The following INSYN2A variants were observed in gnomAD, a reference collection of about 807,000 sequenced individuals.
INSYN2A encodes the protein inhibitory synaptic factor 2A.
In INSYN2A, 17 loss-of-function variants were observed where a neutral mutation model predicts 39.4. The observed-to-expected ratio is 0.43, with a 90% confidence interval of 0.30 to 0.65. INSYN2A has a LOEUF of 0.65. Among genes scored for constraint, INSYN2A ranks in the 30% least tolerant of loss-of-function variants. The probability of loss-of-function intolerance (pLI) is 0.14; values close to 1 mark genes in which losing one functional copy is unlikely to be tolerated. For missense variants in INSYN2A, 595 were observed against 631.2 expected, an observed-to-expected ratio of 0.94 and a Z score of 0.61; for synonymous variants, 255 against 265.7, an observed-to-expected ratio of 0.96 and a Z score of 0.39.
chr10:127,147,057 G>T (rs2051938136), intron 5 of INSYN2A, among the ~76,000 whole-genome samples: 1 of 152,206 alleles, frequency 6.6e-6, no homozygotes, highest in Admixed American at 6.5e-5. Context: ...TACCAAGAAT[G>T]ATGTGAGAAA....
rs1004448407 is a variant in INSYN2A at position 127,186,621 on chromosome 10, G to T, written c.-269+5984C>A. Among the ~76,000 whole-genome samples, 8 of 150,298 alleles carry T rather than the reference G, an allele frequency of 5.3e-5. No homozygotes were observed. The East Asian group carries it at 7.9e-4, about 15-fold the overall frequency. ...TTGGGTGGGGACAGAGAGCCAAACC[G>T]TATCAGAGGGGCATAAACATATGAA... is the stretch of plus-strand genomic sequence containing the variant. On this transcript the variant is annotated intron_variant, in intron 2 of 5. Transcript: ENST00000522781.
chr10:127,186,475 C>A (rs2056240379), intron 2 of INSYN2A, among the ~76,000 whole-genome samples: 1 of 140,000 alleles, frequency 7.1e-6, no homozygotes, highest in African/African-American at 2.6e-5. Context: ...TGCGATTTCA[C>A]TCACAATCAT....
intron 4 of INSYN2A, among the ~76,000 whole-genome samples, chr10:127,170,469 C>G (rs541533200): frequency 6.6e-6 from 1 of 152,218 alleles, no homozygotes; most frequent in Non-Finnish European, 1.5e-5. Flanking sequence ...AAGCTTCTCA[C>G]GATCATTTCT....
chr10:127,148,129 C>A (rs1402528589), intron 5 of INSYN2A, among the ~76,000 whole-genome samples: 4 of 151,066 alleles, frequency 2.6e-5, no homozygotes. Context: ...CAATGCGTTT[C>A]ACAAGCTCCC....
Position 127,175,213 on chromosome 10 carries a change from C to T in INSYN2A, c.1183G>A (p.Gly395Arg), listed in dbSNP as rs2054972772. The T allele has an allele frequency of 4.3e-6, 7 of 1,610,092 alleles. No homozygotes were observed. The South Asian group carries it at 7.8e-5, about 18-fold the overall frequency. ...ELEKGEAHRE[G>R]LSYRTGQDTA... is the part of the protein sequence containing the mutation. ...TAAGACATGGGTGAACATACATACC[C>T]TTCCCGATGGGCCTCTCCTTTTTCC... Residue 395 changes from glycine (G) to arginine (R), a missense_variant and splice_region_variant, in exon 4 of 6, where the codon GGG (glycine) becomes AGG (arginine). This residue lies in a region of INSYN2A where 117 missense variants were observed against 163.8 expected (regional missense o/e 0.71). Coordinates refer to ENST00000522781, the MANE Select transcript of INSYN2A (RefSeq NM_001039762.3). The surrounding 1 kb of genome is among the most constrained non-coding windows in gnomAD (Gnocchi z 6.3).
rs745443698 is a variant in INSYN2A, at chr10:127,176,199, G to C, written c.197C>G (p.Ser66Trp). 6.2e-7 allele frequency: 1 copy of C among 1,614,086 alleles called. No homozygotes were observed. Among genetic ancestry groups the C allele is most frequent in the Non-Finnish European group, 8.5e-7 (1 of 1,180,022 alleles). Reference protein sequence around the residue: ...QNEQRDTQLSSGQLGEKREAK... With the variant: ...QNEQRDTQLSWGQLGEKREAK... ...CTCCCGCTTCTCCCCCAGCTGGCCC[G>C]AGGACAGCTGTGTGTCCCTCTGCTC... The change falls in exon 4 of 6, where the codon TCG becomes TGG. Residue 66 changes from serine to tryptophan, a missense_variant. Physicochemically the swap from Ser to Trp is radical, Grantham distance 177. Around this residue, in one of 2 missense-constraint regions of INSYN2A, gnomAD observed 478 missense variants for 467.4 expected, o/e 1.02. Transcript: ENST00000522781. The surrounding 1 kb of genome is among the most constrained non-coding windows in gnomAD (Gnocchi z 4.4).
At chr10:127,145,763 T>G (rs893798863) in intron 5 of INSYN2A, among the ~76,000 whole-genome samples, 3 of 152,184 alleles carry the variant, frequency 2.0e-5, no homozygotes, top group Non-Finnish European at 4.4e-5. Context: ...CTAGATGTGG[T>G]CAGGAGCTCC....
At chr10:127,170,273 G>A (rs971182372) in intron 4 of INSYN2A, among the ~76,000 whole-genome samples, 7 of 152,098 alleles carry the variant, frequency 4.6e-5, no homozygotes, top group Non-Finnish European at 8.8e-5. Flanking sequence ...ACAAAGCCCC[G>A]AAGCCTCAGG....
intron 1 of INSYN2A, among the ~76,000 whole-genome samples, chr10:127,194,896 A>AGT (rs2134149648): frequency 1.3e-5 from 1 of 79,356 alleles, no homozygotes; most frequent in African/African-American, 3.8e-5. Flanking sequence ...ACAAGGTCAA[A>AGT]GTAAACCGCT....
intron 1 of INSYN2A, among the ~76,000 whole-genome samples, chr10:127,195,529 C>T (rs1050001581): frequency 1.2e-4 from 18 of 152,064 alleles, no homozygotes; most frequent in African/African-American, 4.1e-4. Context: ...CTCATCCCCC[C>T]CCCGAAGTTA....
chr10:127,138,338 G>T (rs1163312625), intron 5 of INSYN2A, among the ~76,000 whole-genome samples: 1 of 152,156 alleles, frequency 6.6e-6, no homozygotes, highest in East Asian at 1.9e-4. Context: ...TCCACAGTCT[G>T]TTCACATGGG....
chr10:127,184,485 C>T (rs991267571), intron 2 of INSYN2A, among the ~76,000 whole-genome samples: 1 of 145,582 alleles, frequency 6.9e-6, no homozygotes, highest in Non-Finnish European at 1.5e-5. Flanking sequence ...CCATGCCCCA[C>T]CCCCGTCCCC....
rs1189812934 is a variant in INSYN2A at position 127,192,639 on chromosome 10, G to A, written c.-303C>T. On this transcript the variant is annotated 5_prime_UTR_variant, in exon 2 of 6. Coordinates refer to ENST00000522781, the MANE Select transcript of INSYN2A (RefSeq NM_001039762.3). ...GTCTCTGAAAGGACTTGAATTTGGA[G>A]CCAGGAAATGTCTCTGAAGTTATGG... The A allele has an allele frequency of 1.3e-5, 2 of 152,186 alleles. No homozygotes were observed. The highest frequency in any genetic ancestry group is 2.9e-5 in the Non-Finnish European group (2 of 68,030). The allele number at this position is 152,186 out of a possible 1,614,324, so 9.4% of individuals were successfully genotyped here.
chr10:127,141,753 ATGT>A lies in INSYN2A; in HGVS notation c.1257-3736_1257-3734del, dbSNP rs2133297605. Among the ~76,000 whole-genome samples the A allele has an allele frequency of 2.0e-5, 3 of 151,956 alleles. No homozygotes were observed. In the South Asian group the frequency reaches 6.2e-4, roughly 32 times the overall value. On this transcript the variant is annotated intron_variant, in intron 5 of 5. Coordinates refer to ENST00000522781, the MANE Select transcript of INSYN2A (RefSeq NM_001039762.3). The stretch of plus-strand genomic sequence containing the variant: ...GACTGCTTTGTTTTGGCCAAAAATT[ATGT>A]TGTGTCCTCCCCTGTGTCCTCCCAC...
intron 2 of INSYN2A, among the ~76,000 whole-genome samples, chr10:127,177,913 T>A (rs1269233395): frequency 6.6e-6 from 1 of 152,198 alleles, no homozygotes; most frequent in African/African-American, 2.4e-5. Flanking sequence ...CATTTTTCGG[T>A]GTCACACAGG....
intron 5 of INSYN2A, among the ~76,000 whole-genome samples, chr10:127,147,970 G>A (rs2052067177): frequency 6.9e-6 from 1 of 144,770 alleles, no homozygotes; most frequent in Admixed American, 7.2e-5. Context: ...GGAGGAGGGT[G>A]CAGTGAGCCG....
At chr10:127,169,161 T>A (rs1033168078) in intron 4 of INSYN2A, among the ~76,000 whole-genome samples, 7 of 152,232 alleles carry the variant, frequency 4.6e-5, no homozygotes, top group Non-Finnish European at 1.0e-4. Flanking sequence ...TGCTGTCATA[T>A]ACATTATACA....
intron 2 of INSYN2A, among the ~76,000 whole-genome samples, chr10:127,191,694 C>T (rs571358013): frequency 2.0e-5 from 3 of 152,284 alleles, no homozygotes; most frequent in African/African-American, 7.2e-5. Context: ...AAAGACTGCT[C>T]AATTTCATTA....
In INSYN2A at chr10:127,176,270, G is replaced by T; in HGVS notation, c.126C>A (p.Asn42Lys). ...CCTTAAACCGCACCTGCAGGGCTTT[G>T]TTCCGTTTTTTAATCTGCCGGTTGG... is the stretch of plus-strand genomic sequence containing the variant. ...LDPNRQIKKRNKALQVRFKDI... is the reference protein window; with the variant it reads ...LDPNRQIKKRKKALQVRFKDI... Residue 42 changes from asparagine (N) to lysine (K), a missense_variant, in exon 4 of 6, where the codon AAC becomes AAA. Transcript: ENST00000522781. The surrounding 1 kb of genome is among the most constrained non-coding windows in gnomAD (Gnocchi z 4.4). 1.2e-6 allele frequency: 2 copies of T among 1,614,108 alleles called. No homozygotes were observed. The highest frequency in any genetic ancestry group is 1.7e-6 in the Non-Finnish European group (2 of 1,180,040).
Sources: gnomAD v4.1 joint callset for allele counts (sites outside exome capture counted in the v4.1 genomes callset) on GRCh38, gnomAD v4.1.1 for gene constraint, gnomAD v4.1.1 regional missense constraint, Gnocchi (gnomAD v3.1) non-coding constraint, MANE v1.5 for transcripts, NCBI Gene and HGNC (gene_info 2026-07-23, HGNC 2026-07-21) for gene names.